GRIA3: variants seen among roughly 807,000 people sequenced by gnomAD.
GRIA3 encodes glutamate ionotropic receptor AMPA type subunit 3.
Under a neutral mutation model 63.0 loss-of-function variants are expected in GRIA3, and 3 were observed. The observed-to-expected ratio is 0.05, with a 90% confidence interval of 0.02 to 0.12. The LOEUF (loss-of-function observed/expected upper bound fraction) is 0.12, where lower values mean the gene tolerates loss of function less well. Ranked by LOEUF, GRIA3 falls within the 10% of genes least tolerant of loss-of-function variation. GRIA3 has a pLI of 1.00. For missense variants in GRIA3, 347 were observed against 700.9 expected (o/e 0.50, Z 5.70); for synonymous variants, 274 against 257.9 (o/e 1.06, Z -0.60).
chrX:123,488,141 T>A (rs1167303770), intron 15 of GRIA3, among the ~76,000 whole-genome samples: 3 of 112,273 alleles, frequency 2.7e-5, no homozygotes, highest in Admixed American at 9.4e-5. Flanking sequence ...AAAGACCGCA[T>A]TGATGCCAAG....
At chrX:123,288,602 C>A (rs1305910131) in intron 3 of GRIA3, among the ~76,000 whole-genome samples, 1 of 111,056 alleles carries the variant, frequency 9.0e-6, no homozygotes, top group Non-Finnish European at 1.9e-5. Flanking sequence ...TAAAAGTGGG[C>A]AAAGGATATG....
intron 10 of GRIA3, 133 bp from the exon 11 acceptor site, chrX:123,417,269 C>A: frequency 1.8e-6 from 1 of 542,497 alleles, no homozygotes; most frequent in South Asian, 3.0e-5. Flanking sequence ...CTAACCTAAG[C>A]ATTGATAATT....
rs561415322 is a variant in GRIA3 at position 123,275,462 on chromosome X, G to T, written c.508+21920G>T. On this transcript the variant is annotated intron_variant, in intron 3 of 15. Coordinates refer to ENST00000620443, the MANE Select transcript of GRIA3 (RefSeq NM_007325.5). ...CTTGAAGACATTTTCCCAGAAGTGGGATGGATTTACTGAGCCCTTCCCACC... is the reference window on the plus strand; with the variant it reads ...CTTGAAGACATTTTCCCAGAAGTGGTATGGATTTACTGAGCCCTTCCCACC... Among the ~76,000 whole-genome samples the T allele has an allele frequency of 4.4e-5, 5 of 112,414 alleles. No homozygotes were observed. The Middle Eastern group carries it at 0.014, about 309-fold the overall frequency.
At chrX:123,240,361 T>C (rs929025670) in intron 2 of GRIA3, among the ~76,000 whole-genome samples, 7 of 110,961 alleles carry the variant, frequency 6.3e-5, no homozygotes, top group African/African-American at 2.0e-4. Context: ...TGATGGAAAA[T>C]AGGTTTTTTT....
chrX:123,316,497 C>T (rs911459725), intron 3 of GRIA3, among the ~76,000 whole-genome samples: 5 of 112,025 alleles, frequency 4.5e-5, no homozygotes, highest in African/African-American at 6.5e-5. Context: ...GAGCCTTAAA[C>T]ATGTCCGTAA....
chrX:123,480,755 T>C (rs768612851), intron 14 of GRIA3, among the ~76,000 whole-genome samples: 20 of 111,706 alleles, frequency 1.8e-4, no homozygotes, highest in Non-Finnish European at 2.1e-4. Flanking sequence ...TCATTAAGTC[T>C]GTCACACTTC....
chrX:123,451,208 A>T (rs1382379469), intron 12 of GRIA3, among the ~76,000 whole-genome samples: 1 of 111,040 alleles, frequency 9.0e-6, no homozygotes, highest in African/African-American at 3.3e-5. Context: ...ACCACTTAAG[A>T]AGTGATTGTA....
At chrX:123,230,904 T>C (rs1218546797) in intron 2 of GRIA3, among the ~76,000 whole-genome samples, 1 of 111,812 alleles carries the variant, frequency 8.9e-6, no homozygotes, top group Non-Finnish European at 1.9e-5. Context: ...ATCAGAGACG[T>C]CTCTCCCTGG....
intron 4 of GRIA3, among the ~76,000 whole-genome samples, chrX:123,353,824 C>T (rs753064980): frequency 1.8e-5 from 2 of 111,525 alleles, no homozygotes; most frequent in Non-Finnish European, 3.8e-5. Context: ...TATCCTGTTC[C>T]GTCCATGGGT....
At chrX:123,276,548 T>C (rs1056902721) in intron 3 of GRIA3, among the ~76,000 whole-genome samples, 22 of 112,231 alleles carry the variant, frequency 2.0e-4, no homozygotes, top group African/African-American at 6.8e-4. Context: ...TTATCTTATG[T>C]CATCCTCACA....
At chrX:123,253,813 C>T in intron 3 of GRIA3, 1 of 312,232 alleles carries the variant, frequency 3.2e-6, no homozygotes, top group Non-Finnish European at 5.6e-6. Context: ...ACGCCTCCCC[C>T]ATCAAAAATT....
intron 3 of GRIA3, among the ~76,000 whole-genome samples, chrX:123,262,632 C>T (rs949525462): frequency 1.8e-5 from 2 of 112,180 alleles, no homozygotes; most frequent in Middle Eastern, 4.6e-3. Flanking sequence ...GAAGAGCTTA[C>T]ATCTTGGCCA....
At chrX:123,291,187 C>A (rs903667710) in intron 3 of GRIA3, among the ~76,000 whole-genome samples, 2 of 111,272 alleles carry the variant, frequency 1.8e-5, no homozygotes, top group African/African-American at 6.5e-5. Context: ...GGACAAAGCA[C>A]CCTACTGAGG....
intron 2 of GRIA3, among the ~76,000 whole-genome samples, chrX:123,186,651 G>T (rs1258928375): frequency 9.0e-6 from 1 of 111,351 alleles, no homozygotes; most frequent in Non-Finnish European, 1.9e-5. Flanking sequence ...CTAGCAAACT[G>T]AGGGGAGGGG....
intron 2 of GRIA3, among the ~76,000 whole-genome samples, chrX:123,231,610 CT>C (rs2044276838): frequency 1.8e-5 from 2 of 111,402 alleles, no homozygotes; most frequent in African/African-American, 6.5e-5. Flanking sequence ...GTAATCTAGC[CT>C]TTTTGAGGGA....
intron 4 of GRIA3, among the ~76,000 whole-genome samples, chrX:123,353,522 G>T (rs1254000951): frequency 8.9e-6 from 1 of 111,758 alleles, no homozygotes; most frequent in Non-Finnish European, 1.9e-5. Context: ...AATAAGGACA[G>T]TTAGACTTAT....
intron 3 of GRIA3, among the ~76,000 whole-genome samples, chrX:123,271,960 G>A (rs2044526695): frequency 9.0e-6 from 1 of 111,587 alleles, no homozygotes; most frequent in South Asian, 3.8e-4. Flanking sequence ...GGGTAACTCA[G>A]TCCTCTCTCA....
At chrX:123,349,442 A>G in intron 4 of GRIA3, among the ~76,000 whole-genome samples, 1 of 112,876 alleles carries the variant, frequency 8.9e-6, no homozygotes, top group Middle Eastern at 4.6e-3. Flanking sequence ...AACTTCCCAA[A>G]GACATGTTCT....
At chrX:123,345,910 G>A (rs1353303417) in intron 4 of GRIA3, among the ~76,000 whole-genome samples, 1 of 111,587 alleles carries the variant, frequency 9.0e-6, no homozygotes, top group African/African-American at 3.3e-5. Context: ...GGGATGAAGG[G>A]AAGAGGCATT....
Sources: allele counts gnomAD v4.1 joint callset (sites outside exome capture counted in the v4.1 genomes callset), GRCh38; gene constraint gnomAD v4.1.1; transcripts MANE v1.5; gene names NCBI Gene and HGNC (gene_info 2026-07-23, HGNC 2026-07-21).